The following TRIM5 variants were observed in gnomAD, a reference collection of about 807,000 sequenced individuals.
TRIM5 encodes the protein tripartite motif containing 5, also known as tripartite motif-containing protein 5.
TRIM5 carries 31 observed loss-of-function variants against 35.6 expected under a neutral mutation model. The ratio of observed to expected loss-of-function variants is 0.87; its 90% CI spans 0.65 to 1.18. TRIM5 has a LOEUF of 1.18. Among genes scored for constraint, TRIM5 ranks in the 50% most tolerant of loss-of-function variants. TRIM5 has a pLI of 0.00. For missense variants in TRIM5, 609 were observed against 591.6 expected (o/e 1.03, Z -0.31); for synonymous variants, 243 against 215.6 (o/e 1.13, Z -1.11).
At chr11:5,673,915 C>A (rs1408832369) in intron 4 of TRIM5, among the ~76,000 whole-genome samples, 1 of 151,472 alleles carries the variant, frequency 6.6e-6, no homozygotes, top group Non-Finnish European at 1.5e-5. Context: ...TAAAGCAATT[C>A]ATTTATTAAA....
At chr11:5,615,577 G>GTT in the TRIM5 span, among the ~76,000 whole-genome samples, 69 of 109,502 alleles carry the variant, frequency 6.3e-4, no homozygotes, top group South Asian at 4.2e-3. Context: ...CTTGTTTTTT[G>GTT]TTTTTTTTTT....
intron 4 of TRIM5, among the ~76,000 whole-genome samples, chr11:5,671,022 T>C (rs1418237557): frequency 6.6e-6 from 1 of 152,030 alleles, no homozygotes; most frequent in East Asian, 1.9e-4. Context: ...GGCAAGTGGA[T>C]TGAGACCAGC....
chr11:5,612,735 C>G, the TRIM5 span: 1 of 152,190 alleles, frequency 6.6e-6, no homozygotes, highest in Non-Finnish European at 1.5e-5. Flanking sequence ...ATGGCACTGG[C>G]TGTCCCATAT....
chr11:5,643,151 C>A, the TRIM5 span: 2 of 1,496,384 alleles, frequency 1.3e-6, no homozygotes, highest in South Asian at 2.9e-5. Context: ...CAGTGGATGT[C>A]ACACTGAATT....
At chr11:5,642,417 G>A in the TRIM5 span, 1 of 1,613,026 alleles carries the variant, frequency 6.2e-7, no homozygotes, top group Non-Finnish European at 8.5e-7. Flanking sequence ...AGTGAGATCT[G>A]GAGGCTGAAA....
chr11:5,643,053 T>A, the TRIM5 span: 41 of 1,298,528 alleles, frequency 3.2e-5, 1 homozygote, highest in African/African-American at 6.1e-4. Flanking sequence ...TGTCACTAGA[T>A]AAACCTACTC....
intron 1 of TRIM5, among the ~76,000 whole-genome samples, chr11:5,681,965 A>T (rs1447496640): frequency 6.6e-6 from 1 of 152,012 alleles, no homozygotes; most frequent in Non-Finnish European, 1.5e-5. Context: ...CACCCGGCTA[A>T]TTTTTGTATT....
the TRIM5 span, chr11:5,590,693 C>G: frequency 6.6e-6 from 1 of 152,222 alleles, no homozygotes; most frequent in Admixed American, 6.5e-5. Flanking sequence ...AGCAGGCTGC[C>G]TGAGCCAGCA....
intron 4 of TRIM5, among the ~76,000 whole-genome samples, chr11:5,670,170 CTTTTTTTTT>C (rs3060972): frequency 1.2e-4 from 7 of 60,208 alleles, no homozygotes; most frequent in African/African-American, 4.4e-4. Context: ...AGATGCCCAT[CTTTTTTTTT>C]TTTTTTTTTT....
chr11:5,680,901 G>T (rs1852387340), intron 1 of TRIM5, among the ~76,000 whole-genome samples: 1 of 152,150 alleles, frequency 6.6e-6, no homozygotes, highest in African/African-American at 2.4e-5. Flanking sequence ...CGTATTCAGG[G>T]TCCTCTTTCA....
chr11:5,611,128 C>T, the TRIM5 span: 1 of 1,614,150 alleles, frequency 6.2e-7, no homozygotes, highest in South Asian at 1.1e-5. Context: ...TATGAGGATT[C>T]TTCCCCTTCC....
chr11:5,594,278 C>T, the TRIM5 span, among the ~76,000 whole-genome samples: 1 of 152,232 alleles, frequency 6.6e-6, no homozygotes, highest in Non-Finnish European at 1.5e-5. Context: ...AAATTCTGCA[C>T]ACTGAGAAAC....
At chr11:5,596,840 G>A in the TRIM5 span, 1 of 1,613,462 alleles carries the variant, frequency 6.2e-7, no homozygotes, top group South Asian at 1.1e-5. Flanking sequence ...TTGCTCTGAA[G>A]AGCTTTGACC....
chr11:5,643,130 T>A, the TRIM5 span: 47 of 1,369,448 alleles, frequency 3.4e-5, no homozygotes, highest in Middle Eastern at 2.4e-4. Context: ...TATATATTTT[T>A]TTTTTTCTTG....
the TRIM5 span, chr11:5,641,134 C>T: frequency 2.5e-6 from 4 of 1,610,590 alleles, no homozygotes; most frequent in Non-Finnish European, 3.4e-6. Flanking sequence ...AGTCTTTATA[C>T]ACTTTGACTC....
Position 5,678,282 on chromosome 11 carries a change from C to T in TRIM5, c.666G>A (p.Val222=). The change falls in exon 4 of 8, where the codon GTG becomes GTA. Residue 222 remains valine, a synonymous_variant. Transcript: ENST00000380034. ...GCTCTCTCAGGGACTGGGTCTGCTG[C>T]ACCATCTCAGTTTCAGAGTTCGTAA... The part of the protein sequence containing the change: ...KSLTNSETEM[V]QQTQSLRELI... 3 of 1,614,184 alleles carry T rather than the reference C, an allele frequency of 1.9e-6. No homozygotes were observed. The highest frequency in any genetic ancestry group is 2.7e-5 in the African/African-American group (2 of 75,072).
chr11:5,641,055 C>T, the TRIM5 span: 1 of 1,398,418 alleles, frequency 7.2e-7, no homozygotes, highest in South Asian at 1.7e-5. Context: ...TTGACATTTT[C>T]ATATAACTCA....
chr11:5,594,825 C>T, the TRIM5 span, among the ~76,000 whole-genome samples: 1 of 152,048 alleles, frequency 6.6e-6, no homozygotes, highest in Non-Finnish European at 1.5e-5. Flanking sequence ...GTTGGCTGGG[C>T]CAGTGGCAGG....
chr11:5,643,493 T>C, the TRIM5 span: 3 of 1,614,254 alleles, frequency 1.9e-6, no homozygotes, highest in Non-Finnish European at 2.5e-6. Context: ...CTTTGTCCTC[T>C]GATCCCGAGG....
Sources: gnomAD v4.1 joint callset for allele counts (sites outside exome capture counted in the v4.1 genomes callset) on GRCh38, gnomAD v4.1.1 for gene constraint, MANE v1.5 for transcripts, NCBI Gene and HGNC (gene_info 2026-07-23, HGNC 2026-07-21) for gene names.